B3GALT1: variants seen among roughly 807,000 people sequenced by gnomAD.
B3GALT1 encodes the protein beta-1,3-galactosyltransferase 1.
In B3GALT1, 10 loss-of-function variants were observed where a neutral mutation model predicts 23.2. That is an observed-to-expected ratio of 0.43 (90% CI 0.27 to 0.73). The LOEUF (loss-of-function observed/expected upper bound fraction) is 0.73. Ranked by LOEUF, B3GALT1 falls within the 30% of genes least tolerant of loss-of-function variation. The probability of loss-of-function intolerance (pLI) is 0.21; values close to 1 mark genes in which losing one functional copy is unlikely to be tolerated. For synonymous variants in B3GALT1, 156 were observed against 141.5 expected (o/e 1.10, Z -0.73); for missense variants, 299 against 405.4 (o/e 0.74, Z 2.25).
intron 2 of B3GALT1, among the ~76,000 whole-genome samples, chr2:167,635,950 A>C (rs1226905): frequency 0.18 from 27,695 of 152,066 alleles, 3,075 homozygotes; most frequent in South Asian, 0.27. Context: ...CTATACTACA[A>C]GGCTACAGCA....
chr2:167,606,931 G>A (rs1046738245), intron 2 of B3GALT1, among the ~76,000 whole-genome samples: 2 of 152,154 alleles, frequency 1.3e-5, no homozygotes, highest in African/African-American at 4.8e-5. Flanking sequence ...GCAATGAAGA[G>A]TCTCAGTTTG....
intron 1 of B3GALT1, among the ~76,000 whole-genome samples, chr2:167,368,152 T>G (rs886656063): frequency 6.6e-6 from 1 of 152,160 alleles, no homozygotes; most frequent in South Asian, 2.1e-4. Context: ...ATGTGAAAAT[T>G]CTGGAAGCCA....
At position 167,512,584 on chromosome 2, in the gene B3GALT1, A is replaced by G. The variant is rs1355164220; in HGVS notation, c.-410+22307A>G. Reference sequence around the variant, plus strand: ...TATATATATGTATATATATATGTATATATATATGTGTATATATATATATGT... The same window carrying G: ...TATATATATGTATATATATATGTATGTATATATGTGTATATATATATATGT... On this transcript the variant is annotated intron_variant, in intron 2 of 4. Transcript: ENST00000392690. Among the ~76,000 whole-genome samples the G allele has an allele frequency of 3.0e-4, 26 of 87,970 alleles. 1 individual carries two copies. The highest frequency in any genetic ancestry group is 1.3e-3 in the African/African-American group (26 of 20,552). 57.7% of individuals were successfully genotyped at this position (87,970 alleles called of 152,430 possible).
At chr2:167,500,881 T>TAATTTTTAAATTATTGATTGTTAG (rs1229780258) in intron 2 of B3GALT1, among the ~76,000 whole-genome samples, 1 of 152,164 alleles carries the variant, frequency 6.6e-6, no homozygotes, top group East Asian at 1.9e-4. Context: ...GGTTATTTAA[T>TAATTTTTAAATTATTGATTGTTAG]AACCTTTGAT....
intron 1 of B3GALT1, among the ~76,000 whole-genome samples, chr2:167,400,824 G>A (rs1170577179): frequency 6.6e-6 from 1 of 152,126 alleles, no homozygotes; most frequent in East Asian, 1.9e-4. Context: ...CTGGCTTTGT[G>A]TAGGAAATGT....
chr2:167,844,194 C>A (rs899448386), intron 4 of B3GALT1, among the ~76,000 whole-genome samples: 3 of 152,148 alleles, frequency 2.0e-5, no homozygotes, highest in African/African-American at 7.2e-5. Context: ...ACTACATGAT[C>A]CCATATTAAT....
chr2:167,801,343 C>T (rs1054587872), intron 3 of B3GALT1, among the ~76,000 whole-genome samples: 2 of 152,166 alleles, frequency 1.3e-5, no homozygotes, highest in African/African-American at 4.8e-5. Context: ...AAATGTGAAT[C>T]TTCATTTTAA....
intron 1 of B3GALT1, among the ~76,000 whole-genome samples, chr2:167,408,811 A>AC (rs1698351077): frequency 8.4e-6 from 1 of 119,248 alleles, no homozygotes; most frequent in African/African-American, 2.8e-5. Flanking sequence ...AAAAAAAAAA[A>AC]AACAAAAGAC....
chr2:167,839,382 T>C (rs1306911076), intron 4 of B3GALT1, among the ~76,000 whole-genome samples: 8 of 152,132 alleles, frequency 5.3e-5, no homozygotes, highest in African/African-American at 9.7e-5. Flanking sequence ...TATACACCAA[T>C]AACAGACAAA....
chr2:167,559,867 T>A (rs921971334), intron 2 of B3GALT1, among the ~76,000 whole-genome samples: 1 of 152,184 alleles, frequency 6.6e-6, no homozygotes, highest in African/African-American at 2.4e-5. Flanking sequence ...TGGAACCAAG[T>A]TGGAAAACAC....
intron 3 of B3GALT1, among the ~76,000 whole-genome samples, chr2:167,664,083 T>G (rs981832376): frequency 1.3e-5 from 2 of 151,120 alleles, no homozygotes; most frequent in Non-Finnish European, 2.9e-5. Context: ...TGTAGGGTTT[T>G]TATGGTTTTA....
intron 3 of B3GALT1, among the ~76,000 whole-genome samples, chr2:167,754,633 A>G (rs570207612): frequency 6.6e-6 from 1 of 152,248 alleles, no homozygotes; most frequent in South Asian, 2.1e-4. Context: ...AAAGATACAA[A>G]AGAATATATA....
intron 1 of B3GALT1, among the ~76,000 whole-genome samples, chr2:167,431,438 A>G (rs2105307482): frequency 6.6e-6 from 1 of 152,342 alleles, no homozygotes; most frequent in South Asian, 2.1e-4. Context: ...GCTAAAATAC[A>G]TCTCTGAATA....
At chr2:167,856,963 G>A (rs1690011255) in intron 4 of B3GALT1, among the ~76,000 whole-genome samples, 1 of 152,152 alleles carries the variant, frequency 6.6e-6, no homozygotes, top group South Asian at 2.1e-4. Flanking sequence ...TAAGGGGGCT[G>A]AGAAAGCATG....
chr2:167,629,294 A>T (rs1685398945), intron 2 of B3GALT1, among the ~76,000 whole-genome samples: 1 of 151,792 alleles, frequency 6.6e-6, no homozygotes, highest in Non-Finnish European at 1.5e-5. Context: ...ACTTTTCTGA[A>T]CAGGGATGAA....
intron 3 of B3GALT1, among the ~76,000 whole-genome samples, chr2:167,728,389 T>G (rs906371304): frequency 6.6e-6 from 1 of 151,998 alleles, no homozygotes; most frequent in African/African-American, 2.4e-5. Flanking sequence ...TCCATCAAAA[T>G]AAATAAATAA....
intron 4 of B3GALT1, among the ~76,000 whole-genome samples, chr2:167,829,285 C>T (rs779649870): frequency 7.4e-4 from 112 of 152,108 alleles, no homozygotes; most frequent in Admixed American, 1.3e-3. Flanking sequence ...AGTTCGAGAC[C>T]AGCCTGGCCA....
At chr2:167,835,715 C>T (rs568632670) in intron 4 of B3GALT1, among the ~76,000 whole-genome samples, 17 of 152,330 alleles carry the variant, frequency 1.1e-4, no homozygotes, top group South Asian at 4.1e-4. Context: ...GATCTGAGAA[C>T]GGGCAGACTG....
At chr2:167,357,041 T>C (rs1697425897) in intron 1 of B3GALT1, among the ~76,000 whole-genome samples, 1 of 151,620 alleles carries the variant, frequency 6.6e-6, no homozygotes, top group South Asian at 2.1e-4. Flanking sequence ...TATATATATA[T>C]ATGTATGTGT....
Sources: gnomAD v4.1 joint callset for allele counts (sites outside exome capture counted in the v4.1 genomes callset) on GRCh38, gnomAD v4.1.1 for gene constraint, MANE v1.5 for transcripts, NCBI Gene and HGNC (gene_info 2026-07-23, HGNC 2026-07-21) for gene names.